ABCB1: variants seen among roughly 807,000 people sequenced by gnomAD.
ABCB1 encodes ATP binding cassette subfamily B member 1.
A neutral mutation model predicts 142.0 loss-of-function variants in ABCB1; 69 were observed. The ratio of observed to expected loss-of-function variants is 0.49; its 90% CI spans 0.40 to 0.59. The LOEUF is 0.59. ABCB1 is among the 20% of genes least tolerant of loss of function. The pLI is 0.00. For synonymous variants in ABCB1, 532 were observed against 539.2 expected, an observed-to-expected ratio of 0.99 and a Z score of 0.18; for missense variants, 1,326 against 1,554.7, an observed-to-expected ratio of 0.85 and a Z score of 2.47.
At chr7:87,581,803 C>T (rs895866307) in intron 4 of ABCB1, among the ~76,000 whole-genome samples, 19 of 152,184 alleles carry the variant, frequency 1.2e-4, no homozygotes, top group Non-Finnish European at 5.9e-5. Context: ...TCCCCTTAAG[C>T]AAGGACTACT....
rs2235038 is a variant in ABCB1 at position 87,536,552 on chromosome 7, G to T, written c.2398-11C>A. 3.1e-6 allele frequency: 5 copies of T among 1,613,634 alleles called. No individual in the cohort carries two copies. The African/African-American group carries it at 6.7e-5, about 22-fold the overall frequency. On this transcript the variant is annotated splice_polypyrimidine_tract_variant and intron_variant, in intron 19 of 27. Transcript: ENST00000622132. ...AAACCAACTCACATCCTGTGGCACAGAAAATGATTTTATTACCTTAAAGCT... is the reference window on the plus strand; with the variant it reads ...AAACCAACTCACATCCTGTGGCACATAAAATGATTTTATTACCTTAAAGCT...
At chr7:87,525,903 T>G (rs996576846) in intron 21 of ABCB1, among the ~76,000 whole-genome samples, 2 of 152,150 alleles carry the variant, frequency 1.3e-5, no homozygotes, top group Admixed American at 6.6e-5. Flanking sequence ...ACTGTTTGCT[T>G]CAGTTTCAGT....
intron 14 of ABCB1, among the ~76,000 whole-genome samples, chr7:87,546,963 C>T (rs1183789795): frequency 6.6e-6 from 1 of 152,108 alleles, no homozygotes; most frequent in Non-Finnish European, 1.5e-5. Flanking sequence ...CAACACTGTG[C>T]CTTATCCATA....
chr7:87,632,319 A>T lies in ABCB1; in HGVS notation c.-330-31241T>A, dbSNP rs1432953395. ...AGCTTTGAAAGTGGGTTGTTTAGATAGGTAAGATAATCAGATAAAGAGCTG... is the reference window on the plus strand; with the variant it reads ...AGCTTTGAAAGTGGGTTGTTTAGATTGGTAAGATAATCAGATAAAGAGCTG... On this transcript the variant is annotated intron_variant, in intron 1 of 28. Coordinates refer to the ABCB1 transcript ENST00000265724. Among the ~76,000 whole-genome samples, 3 of 152,226 alleles carry T rather than the reference A, an allele frequency of 2.0e-5. No individual in the cohort carries two copies. In the South Asian group the frequency reaches 6.2e-4, roughly 31 times the overall value.
chr7:87,684,515 G>A (rs1827244438), intron 1 of ABCB1, among the ~76,000 whole-genome samples: 5 of 152,062 alleles, frequency 3.3e-5, no homozygotes, highest in Admixed American at 6.5e-5. Context: ...TTGGGAGGCC[G>A]AGGCAGGCGG....
chr7:87,575,493 T>C (rs902387424), intron 4 of ABCB1, among the ~76,000 whole-genome samples: 1 of 152,198 alleles, frequency 6.6e-6, no homozygotes, highest in Non-Finnish European at 1.5e-5. Flanking sequence ...GTAACACTGC[T>C]GACCTATTTA....
chr7:87,626,093 T>TATATATATTGTCATATATATGTGTCAC (rs1820442369), intron 1 of ABCB1, among the ~76,000 whole-genome samples: 1 of 121,840 alleles, frequency 8.2e-6, no homozygotes, highest in African/African-American at 3.4e-5. Context: ...TATATATATA[T>TATATATATTGTCATATATATGTGTCAC]ATATATTGTC....
intron 5 of ABCB1, among the ~76,000 whole-genome samples, chr7:87,567,614 AAGT>A (rs548430882): frequency 4.7e-4 from 71 of 152,324 alleles, no homozygotes; most frequent in African/African-American, 1.7e-3. Context: ...AATTTTTAAA[AAGT>A]AGTTTTATTT....
chr7:87,570,134 A>G (rs1817978904), intron 5 of ABCB1, 38 bp downstream of exon 5: 1 of 1,576,570 alleles, frequency 6.3e-7, no homozygotes, highest in African/African-American at 1.3e-5. Context: ...TGATGAATAT[A>G]GAAAAACTTA....
chr7:87,694,082 T>G lies in ABCB1; in HGVS notation c.-331+19079A>C, dbSNP rs185159394. On this transcript the variant is annotated intron_variant, in intron 1 of 28. Coordinates refer to the ABCB1 transcript ENST00000265724. ...ACATTGCATGGGTTTTGTAAAGCCT[T>G]CTTTTTTGTGTGTTTTTGTTTTTTT... 5.3e-6 allele frequency: 8 copies of G among 1,516,614 alleles called. No individual in the cohort carries two copies. In the Admixed American group the frequency reaches 1.5e-4, roughly 28 times the overall value. The allele number at this position is 1,516,614 out of a possible 1,614,324, so 93.9% of individuals were successfully genotyped here. A position where few individuals can be genotyped will look rare whatever the true frequency, so the allele number is the denominator to read the frequency against.
At position 87,607,945 on chromosome 7, in the gene ABCB1, C is replaced by T. The variant is rs185216570; in HGVS notation, c.-330-6867G>A. Among the ~76,000 whole-genome samples, 399 of 152,260 alleles carry T rather than the reference C, an allele frequency of 2.6e-3. 1 individual carries two copies. Among genetic ancestry groups the T allele is most frequent in the Admixed American group, 6.3e-3 (96 of 15,298 alleles). On this transcript the variant is annotated intron_variant, in intron 1 of 28. Coordinates refer to the ABCB1 transcript ENST00000265724. ...ATTTTGTTTTTACAAACAGACTGAA[C>T]TTATATATCTAAAGTGACCAACTTC...
chr7:87,648,500 T>C (rs1446893852), intron 1 of ABCB1, among the ~76,000 whole-genome samples: 1 of 151,406 alleles, frequency 6.6e-6, no homozygotes, highest in African/African-American at 2.4e-5. Flanking sequence ...TATTGGAAGC[T>C]AGTTCAAGAA....
At chr7:87,595,645 T>A in intron 3 of ABCB1, 121 bp downstream of exon 3, 2 of 770,792 alleles carry the variant, frequency 2.6e-6, no homozygotes, top group Admixed American at 4.6e-5. Flanking sequence ...ACCAATTTAT[T>A]TTGCATCTCC....
At chr7:87,570,687 C>A (rs1385600434) in intron 4 of ABCB1, among the ~76,000 whole-genome samples, 1 of 152,108 alleles carries the variant, frequency 6.6e-6, no homozygotes. Flanking sequence ...GAGCTCATCA[C>A]CCAATATTAG....
upstream of ABCB1, chr7:87,601,030 A>G (rs1819435709): frequency 6.6e-6 from 1 of 152,222 alleles, no homozygotes; most frequent in South Asian, 2.1e-4. Context: ...AGAAACTGCG[A>G]AACAGGTTGA....
At chr7:87,588,094 T>C (rs1158314842) in intron 3 of ABCB1, among the ~76,000 whole-genome samples, 1 of 151,824 alleles carries the variant, frequency 6.6e-6, no homozygotes, top group Non-Finnish European at 1.5e-5. Flanking sequence ...TTAAAGTGAG[T>C]ACTAATTTTC....
intron 1 of ABCB1, among the ~76,000 whole-genome samples, chr7:87,629,480 G>C (rs1820981996): frequency 6.6e-6 from 1 of 152,178 alleles, no homozygotes. Flanking sequence ...CAGCTACAGT[G>C]CTAGTGCTGG....
intron 17 of ABCB1, among the ~76,000 whole-genome samples, chr7:87,542,350 A>G (rs933557177): frequency 2.0e-5 from 3 of 152,240 alleles, no homozygotes; most frequent in African/African-American, 7.2e-5. Flanking sequence ...AACTATCTCC[A>G]GAAGTATGAT....
intron 3 of ABCB1, among the ~76,000 whole-genome samples, chr7:87,594,591 G>T (rs951212161): frequency 6.6e-6 from 1 of 152,074 alleles, no homozygotes; most frequent in African/African-American, 2.4e-5. Context: ...TAACCTAAAC[G>T]CTTCTTTCCA....
Sources: gnomAD v4.1 joint callset for allele counts (sites outside exome capture counted in the v4.1 genomes callset) on GRCh38, gnomAD v4.1.1 for gene constraint, MANE v1.5 for transcripts, NCBI Gene and HGNC (gene_info 2026-07-23, HGNC 2026-07-21) for gene names.